Variants in SIK3 observed in about 807,000 individuals in gnomAD.
SIK3 encodes serine/threonine-protein kinase SIK3.
In SIK3, 28 loss-of-function variants were observed where a neutral mutation model predicts 144.2. That is an observed-to-expected ratio of 0.19 (90% CI 0.14 to 0.27). SIK3 has a LOEUF of 0.27. SIK3 is among the 10% of genes least tolerant of loss of function. The probability of loss-of-function intolerance (pLI) is 1.00; values close to 1 mark genes in which losing one functional copy is unlikely to be tolerated. For missense variants in SIK3, 1,319 were observed against 1,776.0 expected (o/e 0.74, Z 4.62); for synonymous variants, 686 against 676.3 (o/e 1.01, Z -0.22).
chr11:116,864,069 G>A (rs1359594707), intron 15 of SIK3: 4 of 359,318 alleles, frequency 1.1e-5, no homozygotes, highest in African/African-American at 2.1e-5. Flanking sequence ...GTGAGGTCCC[G>A]AGATCAAGTA....
chr11:116,993,627 T>C (rs903875408), intron 1 of SIK3, among the ~76,000 whole-genome samples: 3 of 151,900 alleles, frequency 2.0e-5, no homozygotes, highest in Admixed American at 6.6e-5. Context: ...AAAGCAGCAA[T>C]GAAAAAACAA....
At chr11:117,006,148 T>G (rs1276283042) in intron 1 of SIK3, among the ~76,000 whole-genome samples, 1 of 152,246 alleles carries the variant, frequency 6.6e-6, no homozygotes, top group African/African-American at 2.4e-5. Context: ...AGCCTTCCCC[T>G]GGTCTTTGGC....
intron 3 of SIK3, among the ~76,000 whole-genome samples, chr11:116,943,422 C>T (rs1057165696): frequency 1.3e-5 from 2 of 152,146 alleles, no homozygotes; most frequent in Admixed American, 1.3e-4. Flanking sequence ...ACTAGCAATT[C>T]CTTTACAGGC....
intron 1 of SIK3, among the ~76,000 whole-genome samples, chr11:116,968,947 T>C (rs899889416): frequency 6.6e-5 from 10 of 152,144 alleles, no homozygotes; most frequent in South Asian, 4.1e-4. Context: ...CCCTAATTCA[T>C]TGCCAATGAG....
chr11:117,048,443 G>A (rs1257359953), intron 1 of SIK3, among the ~76,000 whole-genome samples: 5 of 151,922 alleles, frequency 3.3e-5, no homozygotes, highest in Non-Finnish European at 5.9e-5. Flanking sequence ...GATCACCTGC[G>A]GTTGGGAGTT....
intron 1 of SIK3, 23 bp downstream of exon 1, chr11:117,098,120 C>T: frequency 1.4e-6 from 2 of 1,439,726 alleles, no homozygotes; most frequent in Non-Finnish European, 1.8e-6. Context: ...GCTCCGACTG[C>T]CGCCTGGCCC....
chr11:116,963,281 C>T (rs1949411701), intron 1 of SIK3, among the ~76,000 whole-genome samples: 1 of 152,188 alleles, frequency 6.6e-6, no homozygotes, highest in African/African-American at 2.4e-5. Flanking sequence ...AGTCTTACAG[C>T]CTTAAGACAG....
At chr11:116,979,381 T>C (rs1380003341) in intron 1 of SIK3, among the ~76,000 whole-genome samples, 1 of 152,218 alleles carries the variant, frequency 6.6e-6, no homozygotes, top group African/African-American at 2.4e-5. Context: ...TTCTTTTATA[T>C]TCTGGCTAAC....
intron 3 of SIK3, among the ~76,000 whole-genome samples, chr11:116,947,133 T>C (rs970557466): frequency 7.1e-6 from 1 of 140,594 alleles, no homozygotes; most frequent in East Asian, 2.0e-4. Context: ...ATATAATATA[T>C]AAATTATTAT....
At chr11:116,976,985 T>C (rs1411373781) in intron 1 of SIK3, among the ~76,000 whole-genome samples, 1 of 152,340 alleles carries the variant, frequency 6.6e-6, no homozygotes, top group Middle Eastern at 3.4e-3. Flanking sequence ...TATGTTTATA[T>C]TCCAACTATT....
intron 1 of SIK3, among the ~76,000 whole-genome samples, chr11:117,029,437 A>G (rs892481288): frequency 2.6e-5 from 4 of 152,158 alleles, no homozygotes. Flanking sequence ...AGCCTGAGCA[A>G]CAGAGCCAGA....
At chr11:116,934,316 T>A (rs1169775134) in intron 3 of SIK3, among the ~76,000 whole-genome samples, 1 of 152,226 alleles carries the variant, frequency 6.6e-6, no homozygotes, top group Non-Finnish European at 1.5e-5. Flanking sequence ...CCTATCCCTG[T>A]TTATTAAAAC....
intron 1 of SIK3, among the ~76,000 whole-genome samples, chr11:117,039,158 G>T (rs1326576497): frequency 6.6e-6 from 1 of 152,140 alleles, no homozygotes; most frequent in Non-Finnish European, 1.5e-5. Context: ...GACAGAAAAA[G>T]TTGACTCAAG....
intron 1 of SIK3, among the ~76,000 whole-genome samples, chr11:116,991,161 G>T (rs1307867995): frequency 6.6e-6 from 1 of 152,154 alleles, no homozygotes; most frequent in Non-Finnish European, 1.5e-5. Flanking sequence ...AAAGTAACCT[G>T]CCTTGGCTGG....
chr11:116,873,883 C>T lies in SIK3; in HGVS notation c.1581+20G>A, dbSNP rs964176645. The stretch of plus-strand genomic sequence containing the variant: ...CAAGTTTGTTTCTTCTGGAGCCAGC[C>T]CTCTTCCATGTCTAGGTACCTTGTA... On this transcript the variant is annotated intron_variant, in intron 12 of 24. Transcript: ENST00000445177. 8 of 1,600,348 alleles carry T rather than the reference C, an allele frequency of 5.0e-6. No individual in the cohort carries two copies. The highest frequency in any genetic ancestry group is 1.8e-5 in the Admixed American group (1 of 56,846).
chr11:116,875,070 T>C, intron 11 of SIK3, 88 bp downstream of exon 11: 1 of 971,106 alleles, frequency 1.0e-6, no homozygotes, highest in Admixed American at 2.0e-5. Flanking sequence ...GGATACAATG[T>C]AGTAGGAAAT....
At chr11:116,904,721 T>C (rs557750127) in intron 4 of SIK3, 2 of 152,348 alleles carry the variant, frequency 1.3e-5, no homozygotes, top group Admixed American at 6.5e-5. Flanking sequence ...GTTATTCTTT[T>C]TTCTTTTTAA....
intron 3 of SIK3, among the ~76,000 whole-genome samples, chr11:116,944,919 A>T (rs1948505679): frequency 6.6e-6 from 1 of 152,068 alleles, no homozygotes; most frequent in Non-Finnish European, 1.5e-5. Context: ...ATGTAAATTA[A>T]ATTCAAAACT....
intron 4 of SIK3, among the ~76,000 whole-genome samples, chr11:116,913,042 T>C (rs1946428005): frequency 1.3e-5 from 2 of 152,192 alleles, no homozygotes; most frequent in African/African-American, 2.4e-5. Context: ...AAGGGCTTTA[T>C]TTGAAATTGA....
Sources: gnomAD v4.1 joint callset for allele counts (sites outside exome capture counted in the v4.1 genomes callset) on GRCh38, gnomAD v4.1.1 for gene constraint, MANE v1.5 for transcripts, NCBI Gene and HGNC (gene_info 2026-07-23, HGNC 2026-07-21) for gene names.